SLC15A5: variants seen among roughly 807,000 people sequenced by gnomAD.
SLC15A5 encodes the protein Peptide/histidine transporter ENSP00000340402.
A neutral mutation model predicts 56.1 loss-of-function variants in SLC15A5; 58 were observed. That is an observed-to-expected ratio of 1.03 (90% CI 0.84 to 1.29). SLC15A5 has a LOEUF of 1.29. Among genes scored for constraint, SLC15A5 ranks in the 50% most tolerant of loss-of-function variants. The pLI is 0.00. For missense variants in SLC15A5, 681 were observed against 672.1 expected, an observed-to-expected ratio of 1.01 and a Z score of -0.15; for synonymous variants, 264 against 250.5, an observed-to-expected ratio of 1.05 and a Z score of -0.51.
At chr12:16,247,513 G>A (rs1018113368) in intron 3 of SLC15A5, among the ~76,000 whole-genome samples, 6 of 152,170 alleles carry the variant, frequency 3.9e-5, no homozygotes, top group African/African-American at 1.2e-4. Flanking sequence ...TATTAGGCAA[G>A]TTCTATGATG....
At position 16,189,710 on chromosome 12, in the gene SLC15A5, C is replaced by G; in HGVS notation, c.1698G>C (p.Gln566His). The change falls in exon 9 of 9, where the codon CAG becomes CAC. Residue 566 changes from glutamine (Q) to histidine (H), a missense_variant. Transcript: ENST00000344941. ...AAAGATCAATACTTGAAGAAAATTC[C>G]TGTATACTGCCATAAAATTTCAGAG... is the stretch of plus-strand genomic sequence containing the variant. Reference protein sequence around the residue: ...EKSLKFYGSIQEFSSSIDLWE... With the variant: ...EKSLKFYGSIHEFSSSIDLWE... 1 of 1,528,610 alleles carries G rather than the reference C, an allele frequency of 6.5e-7. No individual in the cohort carries two copies. Among genetic ancestry groups the G allele is most frequent in the Non-Finnish European group, 8.7e-7 (1 of 1,143,164 alleles). The allele number at this position is 1,528,610 out of a possible 1,614,324, so 94.7% of individuals were successfully genotyped here.
At chr12:16,198,952 C>T (rs1443125502) in intron 7 of SLC15A5, among the ~76,000 whole-genome samples, 1 of 151,996 alleles carries the variant, frequency 6.6e-6, no homozygotes, top group African/African-American at 2.4e-5. Flanking sequence ...ACCACATGTT[C>T]CCCTGCTTTC....
intron 3 of SLC15A5, among the ~76,000 whole-genome samples, chr12:16,248,711 C>T (rs1166156089): frequency 6.6e-6 from 1 of 152,056 alleles, no homozygotes; most frequent in Non-Finnish European, 1.5e-5. Context: ...ATAGAAAACT[C>T]ACGCCTTCTA....
chr12:16,249,740 C>A (rs557434553), intron 3 of SLC15A5, among the ~76,000 whole-genome samples: 1 of 151,984 alleles, frequency 6.6e-6, no homozygotes, highest in South Asian at 2.1e-4. Flanking sequence ...TGAATGGATG[C>A]TGAACAGTTA....
At chr12:16,211,276 G>C (rs1864077262) in intron 7 of SLC15A5, among the ~76,000 whole-genome samples, 1 of 152,226 alleles carries the variant, frequency 6.6e-6, no homozygotes, top group Non-Finnish European at 1.5e-5. Context: ...GCAAATTCCT[G>C]TTTCAAGAGT....
At chr12:16,190,460 T>C (rs920484560) in intron 8 of SLC15A5, among the ~76,000 whole-genome samples, 4 of 152,216 alleles carry the variant, frequency 2.6e-5, no homozygotes, top group African/African-American at 9.6e-5. Flanking sequence ...CTCCATGGCA[T>C]ACTGCCTCTA....
intron 2 of SLC15A5, among the ~76,000 whole-genome samples, chr12:16,259,897 C>CGGG (rs148955043): frequency 0.24 from 32,734 of 135,868 alleles, 4,779 homozygotes; most frequent in Non-Finnish European, 0.32. Flanking sequence ...TGACACCACC[C>CGGG]GGGCGGGGGG....
In SLC15A5 at chr12:16,196,699, T is replaced by G. The variant is rs534095544; in HGVS notation, c.1484-2246A>C. Reference sequence around the variant, plus strand: ...GGAGTTTGCACAGAGTATGTGAAGCTTCAGAATTAACATGACATTAATTCT... The same window carrying G: ...GGAGTTTGCACAGAGTATGTGAAGCGTCAGAATTAACATGACATTAATTCT... On this transcript the variant is annotated intron_variant, in intron 7 of 8. Coordinates refer to ENST00000344941, the MANE Select transcript of SLC15A5 (RefSeq NM_001170798.1). This position sits in a 1 kb window ranked among gnomAD's most constrained non-coding sequence, Gnocchi z 4.0. 6.6e-6 allele frequency among the ~76,000 whole-genome samples: 1 copy of G among 152,104 alleles called. No homozygotes were observed. Among genetic ancestry groups the G allele is most frequent in the East Asian group, 1.9e-4 (1 of 5,192 alleles).
intron 5 of SLC15A5, among the ~76,000 whole-genome samples, chr12:16,233,813 A>G (rs1459668058): frequency 6.6e-6 from 1 of 152,166 alleles, no homozygotes; most frequent in Non-Finnish European, 1.5e-5. Flanking sequence ...GGAACTACTG[A>G]CTCAGAATCT....
Position 16,271,415 on chromosome 12 carries a change from T to A in SLC15A5, c.584+1146A>T, listed in dbSNP as rs1864754112. ...ATAGAATAAAAAAGAAGGATTTTTC[T>A]TTCTCCTTTGGGCAGGTCAAGGAGG... On this transcript the variant is annotated intron_variant, in intron 2 of 8. Transcript: ENST00000344941. This position sits in a 1 kb window ranked among gnomAD's most constrained non-coding sequence, Gnocchi z 8.0. 6.6e-6 allele frequency among the ~76,000 whole-genome samples: 1 copy of A among 152,182 alleles called. No individual in the cohort carries two copies. Among genetic ancestry groups the A allele is most frequent in the African/African-American group, 2.4e-5 (1 of 41,462 alleles).
chr12:16,256,625 T>C (rs964666051), intron 3 of SLC15A5, among the ~76,000 whole-genome samples: 1 of 152,100 alleles, frequency 6.6e-6, no homozygotes, highest in Non-Finnish European at 1.5e-5. Context: ...TTTGGGAGGC[T>C]GAGGCGGACA....
intron 7 of SLC15A5, among the ~76,000 whole-genome samples, chr12:16,198,378 C>T (rs914468711): frequency 1.3e-5 from 2 of 152,084 alleles, no homozygotes; most frequent in African/African-American, 4.8e-5. Context: ...TAAAATGTTT[C>T]TATTTATCCG....
chr12:16,198,742 C>G (rs1449769543), intron 7 of SLC15A5, among the ~76,000 whole-genome samples: 2 of 152,118 alleles, frequency 1.3e-5, no homozygotes, highest in Admixed American at 6.6e-5. Context: ...GCAATTTACA[C>G]TAAATTTAAA....
chr12:16,228,473 C>T (rs1302218642), intron 5 of SLC15A5, among the ~76,000 whole-genome samples: 1 of 152,184 alleles, frequency 6.6e-6, no homozygotes, highest in Non-Finnish European at 1.5e-5. Flanking sequence ...TGATCTCTTC[C>T]ACATCTGTGG....
chr12:16,241,236 T>C (rs552979781), intron 4 of SLC15A5, among the ~76,000 whole-genome samples: 34 of 152,310 alleles, frequency 2.2e-4, no homozygotes, highest in African/African-American at 8.2e-4. Flanking sequence ...ACTCGTATGG[T>C]ACAAGAGCTG....
rs2136824434 is a variant in SLC15A5, at chr12:16,271,618, C to T, written c.584+943G>A. On this transcript the variant is annotated intron_variant, in intron 2 of 8. Transcript: ENST00000344941. The surrounding 1 kb of genome is among the most constrained non-coding windows in gnomAD (Gnocchi z 8.0). ...GAAAGAAAGAGAAAAGAGGAACTGCCTCGGATAGCTACATATGCCTATACA... is the reference window on the plus strand; with the variant it reads ...GAAAGAAAGAGAAAAGAGGAACTGCTTCGGATAGCTACATATGCCTATACA... 6.6e-6 allele frequency among the ~76,000 whole-genome samples: 1 copy of T among 152,054 alleles called. No individual in the cohort carries two copies. Among genetic ancestry groups the T allele is most frequent in the Non-Finnish European group, 1.5e-5 (1 of 67,958 alleles).
intron 7 of SLC15A5, among the ~76,000 whole-genome samples, chr12:16,203,580 A>T (rs187187412): frequency 2.0e-5 from 3 of 152,276 alleles, no homozygotes; most frequent in Admixed American, 1.3e-4. Flanking sequence ...TTTGTATGAT[A>T]AGGAATATTC....
intron 2 of SLC15A5, among the ~76,000 whole-genome samples, 192 bp downstream of exon 2, chr12:16,272,369 G>T (rs905919036): frequency 6.6e-6 from 1 of 152,066 alleles, no homozygotes; most frequent in Non-Finnish European, 1.5e-5. Context: ...GAAGGTGCTG[G>T]TGAGTTGTAC....
At chr12:16,202,476 C>T (rs142077734) in intron 7 of SLC15A5, among the ~76,000 whole-genome samples, 376 of 152,116 alleles carry the variant, frequency 2.5e-3, no homozygotes, top group Non-Finnish European at 3.9e-3. Flanking sequence ...AAAATGAAAC[C>T]TTAGTACACT....
Sources: gnomAD v4.1 joint callset for allele counts (sites outside exome capture counted in the v4.1 genomes callset) on GRCh38, gnomAD v4.1.1 for gene constraint, Gnocchi (gnomAD v3.1) non-coding constraint, MANE v1.5 for transcripts, NCBI Gene and HGNC (gene_info 2026-07-23, HGNC 2026-07-21) for gene names.